Variants in ADCY2 observed in about 807,000 individuals in gnomAD.
ADCY2 encodes the protein adenylate cyclase 2.
In ADCY2, 31 loss-of-function variants were observed where a neutral mutation model predicts 125.2. The ratio of observed to expected loss-of-function variants is 0.25; its 90% CI spans 0.19 to 0.33. ADCY2 has a LOEUF of 0.33. ADCY2 is among the 10% of genes least tolerant of loss of function. The pLI is 1.00. For missense variants in ADCY2, 904 were observed against 1,418.2 expected (o/e 0.64, Z 5.82); for synonymous variants, 512 against 548.4 (o/e 0.93, Z 0.93).
At chr5:7,575,972 C>A (rs1736233446) in intron 3 of ADCY2, among the ~76,000 whole-genome samples, 2 of 152,084 alleles carry the variant, frequency 1.3e-5, no homozygotes, top group South Asian at 4.1e-4. Context: ...TTTTTGGCAA[C>A]TGGAGATACT....
At chr5:7,684,457 A>C (rs918295897) in intron 4 of ADCY2, among the ~76,000 whole-genome samples, 1 of 152,238 alleles carries the variant, frequency 6.6e-6, no homozygotes, top group Non-Finnish European at 1.5e-5. Flanking sequence ...ACTGTTGATG[A>C]TAAACAGTTC....
intron 2 of ADCY2, among the ~76,000 whole-genome samples, chr5:7,479,014 T>A (rs1579484764): frequency 6.6e-6 from 1 of 152,178 alleles, no homozygotes; most frequent in Non-Finnish European, 1.5e-5. Context: ...ATAACTTTTT[T>A]CGCTCATATT....
intron 1 of ADCY2, among the ~76,000 whole-genome samples, chr5:7,412,023 C>G (rs1163954610): frequency 2.0e-5 from 3 of 151,362 alleles, no homozygotes; most frequent in Admixed American, 6.6e-5. Context: ...TGCAGTGAGC[C>G]GAGATCCCGC....
At chr5:7,695,948 T>C (rs764758148) in intron 6 of ADCY2, 85 bp downstream of exon 6, 35 of 852,412 alleles carry the variant, frequency 4.1e-5, no homozygotes, top group Non-Finnish European at 5.4e-5. Context: ...ATAGTTTACT[T>C]TTTCATAAAA....
In ADCY2 at chr5:7,802,197, T is replaced by G; in HGVS notation, c.2629-21T>G. 1 of 1,612,150 alleles carries G rather than the reference T, an allele frequency of 6.2e-7. No homozygotes were observed. The highest frequency in any genetic ancestry group is 8.5e-7 in the Non-Finnish European group (1 of 1,179,496). On this transcript the variant is annotated intron_variant, in intron 20 of 24. Transcript: ENST00000338316. This position sits in a 1 kb window ranked among gnomAD's most constrained non-coding sequence, Gnocchi z 4.6. ...AAAGGTCAGTCTCCTAGTGATCAGC[T>G]CTTGCTTTTCTCCCAAGCAGGAGCT...
intron 4 of ADCY2, among the ~76,000 whole-genome samples, chr5:7,689,035 A>T (rs1740621484): frequency 1.3e-5 from 2 of 152,230 alleles, no homozygotes; most frequent in Non-Finnish European, 2.9e-5. Flanking sequence ...GATGAAAGCT[A>T]GCAATAGAAG....
intron 22 of ADCY2, among the ~76,000 whole-genome samples, chr5:7,806,464 G>A (rs751899848): frequency 3.9e-5 from 6 of 152,148 alleles, no homozygotes; most frequent in Non-Finnish European, 8.8e-5. Context: ...TGGCTTAAAT[G>A]ACAGAAATTT....
intron 4 of ADCY2, among the ~76,000 whole-genome samples, chr5:7,672,367 T>G (rs984271450): frequency 5.9e-5 from 9 of 152,208 alleles, no homozygotes; most frequent in Non-Finnish European, 1.2e-4. Context: ...GCAATGCCTT[T>G]AACTTTGAAA....
chr5:7,697,273 G>A (rs1378865349), intron 6 of ADCY2, among the ~76,000 whole-genome samples: 2 of 152,138 alleles, frequency 1.3e-5, no homozygotes, highest in South Asian at 2.1e-4. Context: ...AGTACTCAAC[G>A]TGACTTCCTC....
At chr5:7,526,514 G>A (rs1734467023) in intron 3 of ADCY2, among the ~76,000 whole-genome samples, 1 of 152,036 alleles carries the variant, frequency 6.6e-6, no homozygotes. Flanking sequence ...GGAGGTGAGG[G>A]CTACCTTAAG....
At chr5:7,612,688 A>G (rs1737605772) in intron 3 of ADCY2, among the ~76,000 whole-genome samples, 1 of 152,154 alleles carries the variant, frequency 6.6e-6, no homozygotes, top group Non-Finnish European at 1.5e-5. Flanking sequence ...AAACTAAGAG[A>G]TAGCTCCAGT....
chr5:7,545,126 A>G (rs893582701), intron 3 of ADCY2, among the ~76,000 whole-genome samples: 1 of 152,196 alleles, frequency 6.6e-6, no homozygotes, highest in African/African-American at 2.4e-5. Flanking sequence ...TATTCTGGTC[A>G]TAAGAAGGAG....
chr5:7,540,328 A>G lies in ADCY2; in HGVS notation c.570+19429A>G, dbSNP rs987247386. On this transcript the variant is annotated intron_variant, in intron 3 of 24. Transcript: ENST00000338316. ...AAAAAAAGAAAGAAAACATACCCTCATCTGTTTGTTCTTTGAGTCTCAGAA... is the reference window on the plus strand; with the variant it reads ...AAAAAAAGAAAGAAAACATACCCTCGTCTGTTTGTTCTTTGAGTCTCAGAA... Among the ~76,000 whole-genome samples the G allele has an allele frequency of 3.3e-5, 5 of 152,122 alleles. No homozygotes were observed. In the East Asian group the frequency reaches 7.7e-4, roughly 24 times the overall value.
At chr5:7,622,329 C>G (rs775758709) in intron 3 of ADCY2, among the ~76,000 whole-genome samples, 1 of 152,110 alleles carries the variant, frequency 6.6e-6, no homozygotes, top group Non-Finnish European at 1.5e-5. Flanking sequence ...TATCAAAATG[C>G]CAAGGTCAAT....
At chr5:7,434,982 G>A (rs1206793251) in intron 2 of ADCY2, among the ~76,000 whole-genome samples, 3 of 152,140 alleles carry the variant, frequency 2.0e-5, no homozygotes, top group African/African-American at 4.8e-5. Context: ...TGCTCCTATC[G>A]CTAACCAAAA....
chr5:7,549,349 A>G (rs1679201128), intron 3 of ADCY2, among the ~76,000 whole-genome samples: 1 of 152,180 alleles, frequency 6.6e-6, no homozygotes, highest in Admixed American at 6.5e-5. Context: ...TGGAAGGGAG[A>G]TGGCAGAATC....
intron 14 of ADCY2, among the ~76,000 whole-genome samples, chr5:7,729,403 G>T (rs1245765111): frequency 6.6e-6 from 1 of 151,384 alleles, no homozygotes; most frequent in African/African-American, 2.4e-5. Context: ...TTTTTATTTT[G>T]GTTTTATTTA....
intron 4 of ADCY2, among the ~76,000 whole-genome samples, chr5:7,655,145 C>T (rs1296695689): frequency 6.6e-6 from 1 of 152,114 alleles, no homozygotes. Flanking sequence ...GACTAAGGAA[C>T]CAACAGTAAC....
chr5:7,586,350 A>G (rs1736624504), intron 3 of ADCY2, among the ~76,000 whole-genome samples: 1 of 152,208 alleles, frequency 6.6e-6, no homozygotes, highest in Admixed American at 6.5e-5. Flanking sequence ...TAATTTTTTA[A>G]AACAGCCACT....
Sources: allele counts gnomAD v4.1 joint callset (sites outside exome capture counted in the v4.1 genomes callset), GRCh38; gene constraint gnomAD v4.1.1; non-coding constraint Gnocchi (gnomAD v3.1); transcripts MANE v1.5; gene names NCBI Gene and HGNC (gene_info 2026-07-23, HGNC 2026-07-21).